The following KCNIP4 variants were observed in gnomAD, a reference collection of about 807,000 sequenced individuals.
KCNIP4 encodes the protein potassium voltage-gated channel interacting protein 4.
In KCNIP4, 12 loss-of-function variants were observed where a neutral mutation model predicts 34.0. The ratio of observed to expected loss-of-function variants is 0.35; its 90% CI spans 0.23 to 0.57. The LOEUF (loss-of-function observed/expected upper bound fraction) is 0.57, where lower values mean the gene tolerates loss of function less well. KCNIP4 is among the 20% of genes least tolerant of loss of function. The pLI is 0.83. For missense variants in KCNIP4, 238 were observed against 311.7 expected, an observed-to-expected ratio of 0.76 and a Z score of 1.78; for synonymous variants, 124 against 102.2, an observed-to-expected ratio of 1.21 and a Z score of -1.29.
intron 1 of KCNIP4, among the ~76,000 whole-genome samples, chr4:21,206,349 T>C (rs1756851660): frequency 6.6e-6 from 1 of 152,220 alleles, no homozygotes; most frequent in Non-Finnish European, 1.5e-5. Context: ...TCATACTAAG[T>C]GGCTTTGACC....
chr4:21,361,100 A>G (rs13130239), intron 1 of KCNIP4, among the ~76,000 whole-genome samples: 12,882 of 152,006 alleles, frequency 0.085, 856 homozygotes, highest in East Asian at 0.26. Context: ...CCAGTTTCTT[A>G]TTCTGAAATT....
chr4:21,425,925 A>G (rs1725892862), intron 1 of KCNIP4, among the ~76,000 whole-genome samples: 1 of 152,092 alleles, frequency 6.6e-6, no homozygotes, highest in Non-Finnish European at 1.5e-5. Flanking sequence ...GTAGTGGTGC[A>G]TCTCTGTCGT....
intron 1 of KCNIP4, among the ~76,000 whole-genome samples, chr4:21,834,804 G>A (rs1054791985): frequency 2.7e-4 from 41 of 152,096 alleles, no homozygotes; most frequent in African/African-American, 7.5e-4. Context: ...TAGCATGAAG[G>A]GTTGTTGAAT....
chr4:21,214,699 G>C (rs936251799), intron 1 of KCNIP4, among the ~76,000 whole-genome samples: 1 of 152,126 alleles, frequency 6.6e-6, no homozygotes, highest in Non-Finnish European at 1.5e-5. Context: ...TTAATATAGA[G>C]AGAGGTATAT....
chr4:21,388,898 C>T (rs1722279561), intron 1 of KCNIP4, among the ~76,000 whole-genome samples: 1 of 151,742 alleles, frequency 6.6e-6, no homozygotes, highest in African/African-American at 2.4e-5. Context: ...ACTTGATAGA[C>T]ATTTGGGTTG....
intron 1 of KCNIP4, among the ~76,000 whole-genome samples, chr4:21,513,787 A>T (rs1734533128): frequency 6.6e-6 from 1 of 152,216 alleles, no homozygotes; most frequent in Non-Finnish European, 1.5e-5. Context: ...TCATTTAGAT[A>T]ACCACAAGAG....
chr4:21,834,523 T>C (rs1222850485), intron 1 of KCNIP4, among the ~76,000 whole-genome samples: 1 of 152,196 alleles, frequency 6.6e-6, no homozygotes, highest in African/African-American at 2.4e-5. Flanking sequence ...AGATATACAA[T>C]CATGTCGTCT....
chr4:21,491,364 C>A (rs1357385784), intron 1 of KCNIP4, among the ~76,000 whole-genome samples: 1 of 152,006 alleles, frequency 6.6e-6, no homozygotes, highest in Admixed American at 6.6e-5. Context: ...AGAACTGGGT[C>A]TCTGAAATGC....
intron 1 of KCNIP4, among the ~76,000 whole-genome samples, chr4:21,639,560 T>C (rs1243535124): frequency 1.7e-5 from 2 of 119,974 alleles, no homozygotes; most frequent in Admixed American, 1.5e-4. Context: ...GAAAGGTCAA[T>C]CTGACAAGAA....
At chr4:21,675,606 A>T (rs1275097410) in intron 1 of KCNIP4, among the ~76,000 whole-genome samples, 1 of 151,818 alleles carries the variant, frequency 6.6e-6, no homozygotes, top group Non-Finnish European at 1.5e-5. Context: ...TTATTAAAAG[A>T]AAAGAAACAC....
At position 20,966,279 on chromosome 4, in the gene KCNIP4, A is replaced by G. The variant is rs112430744; in HGVS notation, c.62-83570T>C. Among the ~76,000 whole-genome samples the G allele has an allele frequency of 1.1e-4, 16 of 152,306 alleles. 2 individuals are homozygous for G. Among genetic ancestry groups the G allele is most frequent in the African/African-American group, 3.6e-4 (15 of 41,580 alleles). ...GTCTTCAATATTCTCTTGTTTATTCATTAGAGAATTTCTGTGACAGGCCAT... is the reference window on the plus strand; with the variant it reads ...GTCTTCAATATTCTCTTGTTTATTCGTTAGAGAATTTCTGTGACAGGCCAT... On this transcript the variant is annotated intron_variant, in intron 1 of 8. Coordinates refer to ENST00000382152, the MANE Select transcript of KCNIP4 (RefSeq NM_025221.6).
chr4:21,425,362 C>T (rs954748783), intron 1 of KCNIP4, among the ~76,000 whole-genome samples: 3 of 151,976 alleles, frequency 2.0e-5, no homozygotes, highest in Admixed American at 1.3e-4. Flanking sequence ...AAACTGTCTG[C>T]GATAATAACA....
At chr4:21,294,103 A>G (rs557241123) in intron 1 of KCNIP4, among the ~76,000 whole-genome samples, 2 of 152,346 alleles carry the variant, frequency 1.3e-5, no homozygotes, top group Middle Eastern at 6.8e-3. Context: ...GAATGATCAT[A>G]TAAATTCTTG....
chr4:21,636,237 A>G (rs1158307650), intron 1 of KCNIP4, among the ~76,000 whole-genome samples: 2 of 151,622 alleles, frequency 1.3e-5, no homozygotes, highest in African/African-American at 2.4e-5. Flanking sequence ...ACATGTATAC[A>G]TATGTAACTA....
rs144987282 is a variant in KCNIP4, at chr4:21,753,588, A to G, written c.61+194983T>C. On this transcript the variant is annotated intron_variant, in intron 1 of 8. Coordinates refer to ENST00000382152, the MANE Select transcript of KCNIP4 (RefSeq NM_025221.6). ...GTAAGCCAACAGCAAATCAGAATGGAATGTGTGAGTTGCAGCAGGACTGGC... is the reference window on the plus strand; with the variant it reads ...GTAAGCCAACAGCAAATCAGAATGGGATGTGTGAGTTGCAGCAGGACTGGC... Among the ~76,000 whole-genome samples the G allele has an allele frequency of 8.8e-3, 1,334 of 152,256 alleles. 19 individuals are homozygous for G. Among genetic ancestry groups the G allele is most frequent in the South Asian group, 0.039 (188 of 4,826 alleles).
At chr4:20,741,660 G>C (rs368077076) in intron 5 of KCNIP4, among the ~76,000 whole-genome samples, 8 of 152,058 alleles carry the variant, frequency 5.3e-5, no homozygotes, top group Admixed American at 5.2e-4. Flanking sequence ...ATTAAAAGAA[G>C]TAGAGAAGCA....
Position 20,850,651 on chromosome 4 carries a change from T to C in KCNIP4, c.180A>G (p.Glu60=). The change falls in exon 3 of 9, where the codon GAA becomes GAG. Residue 60 remains glutamate, a synonymous_variant. Transcript: ENST00000382152. ...SPAIQNSVED[E]LEMATVRHRP... ...GATGCCTGACGGTGGCCATCTCCAGTTCATCTTCCACGCTGTCTGTGGAGG... is the reference window on the plus strand; with the variant it reads ...GATGCCTGACGGTGGCCATCTCCAGCTCATCTTCCACGCTGTCTGTGGAGG... 6.2e-7 allele frequency: 1 copy of C among 1,612,232 alleles called. No homozygotes were observed. Among genetic ancestry groups the C allele is most frequent in the Non-Finnish European group, 8.5e-7 (1 of 1,179,548 alleles).
intron 1 of KCNIP4, among the ~76,000 whole-genome samples, chr4:21,569,087 T>A (rs936746734): frequency 6.6e-6 from 1 of 151,764 alleles, no homozygotes; most frequent in Non-Finnish European, 1.5e-5. Flanking sequence ...TCCAAACCTG[T>A]GAGACAATAT....
rs115513722 is a variant in KCNIP4 at position 21,423,382 on chromosome 4, G to A, written c.61+525189C>T. Among the ~76,000 whole-genome samples, 1,169 of 152,300 alleles carry A rather than the reference G, an allele frequency of 7.7e-3. 12 individuals are homozygous for A. The highest frequency in any genetic ancestry group is 0.027 in the African/African-American group (1,102 of 41,564). On this transcript the variant is annotated intron_variant, in intron 1 of 8. Transcript: ENST00000382152. ...CGAGAACGTGAGTTCACTTAAATGA[G>A]ATATAACTTCTAAATTTCCATTTTG...
Sources: allele counts gnomAD v4.1 joint callset (sites outside exome capture counted in the v4.1 genomes callset), GRCh38; gene constraint gnomAD v4.1.1; transcripts MANE v1.5; gene names NCBI Gene and HGNC (gene_info 2026-07-23, HGNC 2026-07-21).